Variants in DPP10 observed in about 807,000 individuals in gnomAD.
DPP10 encodes the protein dipeptidyl peptidase like 10, also known as inactive dipeptidyl peptidase 10.
A neutral mutation model predicts 120.9 loss-of-function variants in DPP10; 33 were observed. That is an observed-to-expected ratio of 0.27 (90% CI 0.21 to 0.37). The LOEUF is 0.37. Ranked by LOEUF, DPP10 falls within the 10% of genes least tolerant of loss-of-function variation. The pLI is 1.00. For missense variants in DPP10, 816 were observed against 942.8 expected, an observed-to-expected ratio of 0.87 and a Z score of 1.76; for synonymous variants, 337 against 326.1, an observed-to-expected ratio of 1.03 and a Z score of -0.36.
In DPP10 at chr2:115,840,315, TTTGG is replaced by T. The variant is rs1260143179; in HGVS notation, c.2183-432_2183-429del. Among the ~76,000 whole-genome samples the T allele has an allele frequency of 3.4e-4, 30 of 88,844 alleles. 13 individuals carry two copies. The highest frequency in any genetic ancestry group is 1.9e-3 in the South Asian group (4 of 2,106). The allele number at this position is 88,844 out of a possible 152,430, so 58.3% of individuals were successfully genotyped here. On this transcript the variant is annotated intron_variant, in intron 24 of 25. Coordinates refer to ENST00000410059, the MANE Select transcript of DPP10 (RefSeq NM_020868.6). ...CTACCTAAAGCCAGATATAAGGTTT[TTTGG>T]TTTTTTTTTTTTTTTTTTTTTTGAG...
chr2:114,700,618 C>T (rs1700331630), intron 1 of DPP10, among the ~76,000 whole-genome samples: 2 of 152,072 alleles, frequency 1.3e-5, no homozygotes, highest in Non-Finnish European at 2.9e-5. Context: ...CCATGTCATG[C>T]CTCGGGTTAT....
intron 5 of DPP10, among the ~76,000 whole-genome samples, chr2:115,646,849 C>T (rs1286194468): frequency 2.7e-5 from 4 of 150,846 alleles, no homozygotes; most frequent in Non-Finnish European, 3.0e-5. Flanking sequence ...AAGTCTGTAA[C>T]GTCACTCTCT....
chr2:114,970,370 A>T (rs1699313521), intron 1 of DPP10, among the ~76,000 whole-genome samples: 1 of 152,266 alleles, frequency 6.6e-6, no homozygotes. Context: ...TATGTAGCTG[A>T]TTCATATTTT....
chr2:114,769,317 G>A (rs1681035263), intron 1 of DPP10, among the ~76,000 whole-genome samples: 3 of 151,930 alleles, frequency 2.0e-5, no homozygotes, highest in Admixed American at 2.0e-4. Context: ...AACTACAGGG[G>A]GAGTATTTGT....
rs72951883 is a variant in DPP10, at chr2:114,571,044, A to G, written c.60+128206A>G. Among the ~76,000 whole-genome samples the G allele has an allele frequency of 1.6e-3, 239 of 152,122 alleles. 2 individuals are homozygous for G. Among genetic ancestry groups the G allele is most frequent in the African/African-American group, 5.6e-3 (232 of 41,482 alleles). On this transcript the variant is annotated intron_variant, in intron 1 of 25. Coordinates refer to ENST00000410059, the MANE Select transcript of DPP10 (RefSeq NM_020868.6). ...TCTACTGGATCATAGTTAGACCCAT[A>G]AGTAAAAATGACTGCTAGCTGTATA...
At chr2:114,496,685 G>A (rs1012038551) in intron 1 of DPP10, among the ~76,000 whole-genome samples, 1 of 152,032 alleles carries the variant, frequency 6.6e-6, no homozygotes, top group African/African-American at 2.4e-5. Context: ...TCTGGATTTT[G>A]GAGAGACACA....
At chr2:114,657,320 A>C (rs1264733601) in intron 1 of DPP10, among the ~76,000 whole-genome samples, 2 of 152,184 alleles carry the variant, frequency 1.3e-5, no homozygotes, top group Non-Finnish European at 2.9e-5. Context: ...AGCTTGAATA[A>C]CCAGAAATAG....
intron 1 of DPP10, among the ~76,000 whole-genome samples, chr2:114,713,449 G>C (rs1701155587): frequency 6.6e-6 from 1 of 152,110 alleles, no homozygotes; most frequent in Non-Finnish European, 1.5e-5. Flanking sequence ...CTTAGCTAAA[G>C]CCCTATCGGA....
At chr2:115,402,154 C>A (rs2068116832) in intron 3 of DPP10, among the ~76,000 whole-genome samples, 1 of 152,138 alleles carries the variant, frequency 6.6e-6, no homozygotes, top group African/African-American at 2.4e-5. Flanking sequence ...TGCCCTTTCT[C>A]TAGGCCAACA....
chr2:114,721,625 C>A (rs1296509357), intron 1 of DPP10, among the ~76,000 whole-genome samples: 1 of 152,178 alleles, frequency 6.6e-6, no homozygotes, highest in Non-Finnish European at 1.5e-5. Flanking sequence ...TTCTACAGAT[C>A]AGCCCTGCCC....
At chr2:114,686,288 G>A (rs946688688) in intron 1 of DPP10, among the ~76,000 whole-genome samples, 10 of 151,952 alleles carry the variant, frequency 6.6e-5, no homozygotes, top group African/African-American at 2.2e-4. Flanking sequence ...AATAATAGTA[G>A]CTACTTTAAA....
At chr2:115,381,628 T>C (rs917717133) in intron 3 of DPP10, among the ~76,000 whole-genome samples, 2 of 152,250 alleles carry the variant, frequency 1.3e-5, no homozygotes, top group African/African-American at 2.4e-5. Context: ...GGAGAGACGC[T>C]CTGCTTTTTA....
chr2:114,996,474 A>G (rs987996915), intron 1 of DPP10, among the ~76,000 whole-genome samples: 1 of 152,226 alleles, frequency 6.6e-6, no homozygotes, highest in Non-Finnish European at 1.5e-5. Context: ...TTACTAGAAT[A>G]TAAAATTATA....
At chr2:115,400,760 A>G (rs775299267) in intron 3 of DPP10, among the ~76,000 whole-genome samples, 2 of 152,226 alleles carry the variant, frequency 1.3e-5, no homozygotes, top group Non-Finnish European at 2.9e-5. Flanking sequence ...AAATAAATGC[A>G]AGAGTTGCAA....
Position 115,744,973 on chromosome 2 carries a change from TACTTAATGGCATATTAAGTCTAA to T in DPP10, c.853-1093_853-1071del, listed in dbSNP as rs560032680. ...AGAAACATATTAAGTACCTTATTGG[TACTTAATGGCATATTAAGTCTAA>T]ACTTAATGGCATATTAAGTTTAGAA... On this transcript the variant is annotated intron_variant, in intron 9 of 25. Coordinates refer to ENST00000410059, the MANE Select transcript of DPP10 (RefSeq NM_020868.6). 3.3e-3 allele frequency among the ~76,000 whole-genome samples: 498 copies of T among 150,550 alleles called. 21 individuals are homozygous for T. The highest frequency in any genetic ancestry group is 6.8e-3 in the Middle Eastern group (2 of 294).
chr2:114,913,788 A>G (rs910087548), intron 1 of DPP10, among the ~76,000 whole-genome samples: 4 of 152,216 alleles, frequency 2.6e-5, no homozygotes, highest in Non-Finnish European at 4.4e-5. Flanking sequence ...TTCAGGAGAG[A>G]AATGAAACCC....
chr2:115,816,111 G>A (rs1324737456), intron 21 of DPP10, among the ~76,000 whole-genome samples: 2 of 152,012 alleles, frequency 1.3e-5, no homozygotes, highest in African/African-American at 2.4e-5. Context: ...GGCACCTGGT[G>A]TCAGAAGTAG....
chr2:114,718,022 T>C (rs78093318), intron 1 of DPP10, among the ~76,000 whole-genome samples: 1 of 152,130 alleles, frequency 6.6e-6, no homozygotes, highest in East Asian at 1.9e-4. Context: ...GGAGAAATTA[T>C]CTCTTTCTAT....
At chr2:114,745,100 T>C (rs1241709547) in intron 1 of DPP10, among the ~76,000 whole-genome samples, 1 of 152,214 alleles carries the variant, frequency 6.6e-6, no homozygotes, top group South Asian at 2.1e-4. Context: ...TTTACAAAAA[T>C]TGTTGCTGAT....
Sources: gnomAD v4.1 joint callset for allele counts (sites outside exome capture counted in the v4.1 genomes callset) on GRCh38, gnomAD v4.1.1 for gene constraint, MANE v1.5 for transcripts, NCBI Gene and HGNC (gene_info 2026-07-23, HGNC 2026-07-21) for gene names.